The following UGT2A1 variants were observed in gnomAD, a reference collection of about 807,000 sequenced individuals.
The protein encoded by UGT2A1 is UDP-glucuronosyltransferase 2A1.
A neutral mutation model predicts 45.4 loss-of-function variants in UGT2A1; 61 were observed. That is an observed-to-expected ratio of 1.34 (90% CI 1.09 to 1.66). UGT2A1 has a LOEUF of 1.66. Among genes scored for constraint, UGT2A1 ranks in the 40% most tolerant of loss-of-function variants. The probability of loss-of-function intolerance (pLI) is 0.00; values close to 1 mark genes in which losing one functional copy is unlikely to be tolerated. For missense variants in UGT2A1, 649 were observed against 574.3 expected (o/e 1.13, Z -1.33); for synonymous variants, 229 against 196.2 (o/e 1.17, Z -1.40).
At chr4:69,648,636 A>G (rs1273438738) in intron 1 of UGT2A1, among the ~76,000 whole-genome samples, 2 of 152,002 alleles carry the variant, frequency 1.3e-5, no homozygotes, top group Non-Finnish European at 2.9e-5. Context: ...AAAAGAAACC[A>G]CTGCCCAAAG....
intron 3 of UGT2A1, among the ~76,000 whole-genome samples, chr4:69,631,232 G>T (rs1035498508): frequency 6.6e-6 from 1 of 152,076 alleles, no homozygotes; most frequent in African/African-American, 2.4e-5. Context: ...AGTGAAATTA[G>T]TTAAGTGGGC....
At chr4:69,643,730 G>C (rs1354378404) in intron 2 of UGT2A1, among the ~76,000 whole-genome samples, 2 of 151,634 alleles carry the variant, frequency 1.3e-5, no homozygotes, top group African/African-American at 4.8e-5. Context: ...CCACTGCAGA[G>C]AAGTAAACTT....
intron 2 of UGT2A1, chr4:69,638,979 T>C (rs1409288095): frequency 6.2e-7 from 1 of 1,612,628 alleles, no homozygotes; most frequent in South Asian, 1.1e-5. Context: ...AGATATGGTA[T>C]TTTTAATCCT....
At chr4:69,613,511 A>G (rs1720190427) in intron 3 of UGT2A1, among the ~76,000 whole-genome samples, 1 of 102,366 alleles carries the variant, frequency 9.8e-6, no homozygotes. Context: ...CAAAGACACA[A>G]CAACAGTAAC....
At chr4:69,620,747 C>T (rs1018801490) in intron 3 of UGT2A1, among the ~76,000 whole-genome samples, 1 of 150,098 alleles carries the variant, frequency 6.7e-6, no homozygotes, top group African/African-American at 2.4e-5. Context: ...AACTATACTA[C>T]AGGGCTACAG....
Position 69,647,445 on chromosome 4 carries a change from G to T in UGT2A1, c.200C>A (p.Pro67Gln), listed in dbSNP as rs145089093. The T allele has an allele frequency of 9.6e-5, 155 of 1,612,904 alleles. No homozygotes were observed. In the African/African-American group the frequency reaches 1.7e-3, roughly 17 times the overall value. The change falls in exon 2 of 7, where the codon CCA becomes CAA. Residue 67 changes from proline (P) to glutamine (Q), a missense_variant. By Grantham distance (76) the Pro-to-Gln change is moderately conservative. Coordinates refer to ENST00000286604, the MANE Select transcript of UGT2A1 (RefSeq NM_001252275.3). ...GALFITPTSN[P>Q]SLTFEIYKVP... Reference sequence around the variant, plus strand: ...CTTATATATTTCAAATGTCAGAGATGGGTTAGAGGTTGGTGTGATGAAAAG... The same window carrying T: ...CTTATATATTTCAAATGTCAGAGATTGGTTAGAGGTTGGTGTGATGAAAAG...
intron 3 of UGT2A1, among the ~76,000 whole-genome samples, chr4:69,618,221 T>TTGTGTGTG (rs112693693): frequency 1.4e-5 from 2 of 144,640 alleles, no homozygotes; most frequent in African/African-American, 2.6e-5. Flanking sequence ...GTGTGTATGT[T>TTGTGTGTG]TGTGTGTGTG....
chr4:69,594,740 C>T (rs761344347), intron 5 of UGT2A1, 44 bp from the exon 6 acceptor site: 86 of 1,577,912 alleles, frequency 5.5e-5, no homozygotes, highest in Non-Finnish European at 6.7e-5. Flanking sequence ...AATAATAACA[C>T]ATTAGCAGAA....
chr4:69,642,487 T>G (rs1302344308), intron 2 of UGT2A1, among the ~76,000 whole-genome samples: 4 of 151,792 alleles, frequency 2.6e-5, no homozygotes, highest in Admixed American at 2.0e-4. Flanking sequence ...TGTATTATTC[T>G]ACAGGAAAAG....
chr4:69,622,094 A>C (rs1720788621), intron 3 of UGT2A1, among the ~76,000 whole-genome samples: 1 of 151,886 alleles, frequency 6.6e-6, no homozygotes, highest in Admixed American at 6.6e-5. Flanking sequence ...TAGTCAGTAC[A>C]ACCAACCCCT....
intron 3 of UGT2A1, among the ~76,000 whole-genome samples, chr4:69,614,451 C>A (rs1347997877): frequency 2.4e-5 from 3 of 124,902 alleles, no homozygotes; most frequent in African/African-American, 9.6e-5. Flanking sequence ...AAATTCTTCA[C>A]AAATTAAAAA....
chr4:69,646,913 C>CA lies in UGT2A1; in HGVS notation c.715+16dup. 6.6e-7 allele frequency: 1 copy of CA among 1,520,040 alleles called. No homozygotes were observed. Among genetic ancestry groups the CA allele is most frequent in the Non-Finnish European group, 8.8e-7 (1 of 1,138,870 alleles). 94.2% of individuals were successfully genotyped at this position (1,520,040 alleles called of 1,614,324 possible). On this transcript the variant is annotated intron_variant, in intron 2 of 6. Transcript: ENST00000286604. ...TTTGTTCAAATTCAAGTAATAAAAA[C>CA]AAAATTTGTTACATACCTAAAGCTT...
rs909018003 is a variant in UGT2A1 at position 69,588,758 on chromosome 4, G to T, written c.*614C>A. Reference sequence around the variant, plus strand: ...TGTTGAAGAAAGGCAGGCAAGTTATGCCGTGATTTTCTAGATATGCTTAAT... The same window carrying T: ...TGTTGAAGAAAGGCAGGCAAGTTATTCCGTGATTTTCTAGATATGCTTAAT... On this transcript the variant is annotated 3_prime_UTR_variant, in exon 7 of 7. Transcript: ENST00000286604. The T allele has an allele frequency of 3.3e-5, 5 of 151,964 alleles. No individual in the cohort carries two copies. The highest frequency in any genetic ancestry group is 5.9e-5 in the Non-Finnish European group (4 of 67,982). The allele number at this position is 151,964 out of a possible 1,614,324, so 9.4% of individuals were successfully genotyped here.
chr4:69,594,355 T>C, intron 6 of UGT2A1, 122 bp downstream of exon 6: 1 of 1,282,236 alleles, frequency 7.8e-7, no homozygotes, highest in South Asian at 1.6e-5. Context: ...ATAGTTTTTA[T>C]ATTGGTCAGG....
intron 3 of UGT2A1, among the ~76,000 whole-genome samples, chr4:69,600,277 G>A (rs1160685257): frequency 6.6e-6 from 1 of 152,140 alleles, no homozygotes; most frequent in Non-Finnish European, 1.5e-5. Context: ...AGAAAGAGCA[G>A]CATCTGGACA....
intron 3 of UGT2A1, 50 bp downstream of exon 3, chr4:69,635,641 C>T (rs1003660374): frequency 5.0e-6 from 1 of 200,876 alleles, no homozygotes; most frequent in Non-Finnish European, 1.1e-5. Flanking sequence ...ACCAGCCTCG[C>T]CAACATGGTG....
At chr4:69,615,641 G>T (rs1199079129) in intron 3 of UGT2A1, among the ~76,000 whole-genome samples, 1 of 151,900 alleles carries the variant, frequency 6.6e-6, no homozygotes, top group East Asian at 1.9e-4. Flanking sequence ...TCAAAGAAAT[G>T]CAAGTAAAAA....
chr4:69,618,313 G>A (rs1211994335), intron 3 of UGT2A1, among the ~76,000 whole-genome samples: 1 of 148,430 alleles, frequency 6.7e-6, no homozygotes, highest in Admixed American at 6.8e-5. Flanking sequence ...ATGTTTTTGG[G>A]GCATTAAATT....
intron 6 of UGT2A1, among the ~76,000 whole-genome samples, chr4:69,592,806 T>A (rs1469527333): frequency 6.6e-6 from 1 of 151,894 alleles, no homozygotes; most frequent in Non-Finnish European, 1.5e-5. Context: ...AAAGAAATAA[T>A]ACAAAAAAAA....
Sources: allele counts gnomAD v4.1 joint callset (sites outside exome capture counted in the v4.1 genomes callset), GRCh38; gene constraint gnomAD v4.1.1; transcripts MANE v1.5; gene names NCBI Gene and HGNC (gene_info 2026-07-23, HGNC 2026-07-21).